The following SYT17 variants were observed in gnomAD, a reference collection of about 807,000 sequenced individuals.
SYT17 encodes the protein synaptotagmin 17, also known as synaptotagmin-17.
SYT17 carries 22 observed loss-of-function variants against 46.7 expected under a neutral mutation model. The ratio of observed to expected loss-of-function variants is 0.47; its 90% CI spans 0.34 to 0.67. The LOEUF (loss-of-function observed/expected upper bound fraction) is 0.67, where lower values mean the gene tolerates loss of function less well. SYT17 is among the 30% of genes least tolerant of loss of function. SYT17 has a pLI of 0.01. For missense variants in SYT17, 519 were observed against 612.8 expected (o/e 0.85, Z 1.62); for synonymous variants, 251 against 248.4 (o/e 1.01, Z -0.10).
chr16:19,208,691 T>C (rs1659965066), intron 5 of SYT17, among the ~76,000 whole-genome samples: 1 of 152,066 alleles, frequency 6.6e-6, no homozygotes, highest in Non-Finnish European at 1.5e-5. Context: ...CAGGCCTCTG[T>C]CACAGTGTCT....
intron 3 of SYT17, among the ~76,000 whole-genome samples, chr16:19,174,869 C>T (rs1441242101): frequency 6.6e-6 from 1 of 152,164 alleles, no homozygotes; most frequent in Non-Finnish European, 1.5e-5. Context: ...GTAATCCCAG[C>T]ATTTTGGGAG....
chr16:19,255,002 A>C (rs1320929833), intron 7 of SYT17, among the ~76,000 whole-genome samples: 3 of 152,154 alleles, frequency 2.0e-5, no homozygotes, highest in Non-Finnish European at 4.4e-5. Flanking sequence ...GGAGAAAGAG[A>C]TCTCATTCAT....
chr16:19,207,130 G>A (rs1375995754), intron 5 of SYT17, among the ~76,000 whole-genome samples: 1 of 152,046 alleles, frequency 6.6e-6, no homozygotes, highest in Non-Finnish European at 1.5e-5. Flanking sequence ...TGTGATCTTT[G>A]CACACGACAG....
In SYT17 at chr16:19,231,960, T is replaced by C. The variant is rs1298200222; in HGVS notation, c.1228+7122T>C. Among the ~76,000 whole-genome samples the C allele has an allele frequency of 2.6e-5, 4 of 152,056 alleles. No homozygotes were observed. In the East Asian group the frequency reaches 7.7e-4, roughly 29 times the overall value. ...GCACATTTCAGAGTGTCTGACCCAG[T>C]CTGTGGAGTGAGAGGAGCTGACACG... On this transcript the variant is annotated intron_variant, in intron 7 of 7. Coordinates refer to ENST00000355377, the MANE Select transcript of SYT17 (RefSeq NM_016524.4).
chr16:19,201,262 C>T (rs1034439403), intron 5 of SYT17, among the ~76,000 whole-genome samples: 3 of 152,104 alleles, frequency 2.0e-5, no homozygotes, highest in Admixed American at 1.3e-4. Flanking sequence ...CCCTTTGGGC[C>T]ACCAGGGACA....
In SYT17 at chr16:19,183,736, G is replaced by T. The variant is rs531896780; in HGVS notation, c.540G>T (p.Leu180=). The T allele has an allele frequency of 6.4e-5, 103 of 1,614,180 alleles. 1 individual carries two copies. The South Asian group carries it at 1.1e-3, about 17-fold the overall frequency. ...DVDSLTDEEI[L]SKYQLGMLHF... ...ACTCTCTGACAGACGAGGAGATCCT[G>T]TCCAAGTACCAGCTGGGCATGCTGC... The change falls in exon 5 of 8, where the codon CTG becomes CTT. Residue 180 remains leucine, a synonymous_variant. Transcript: ENST00000355377. The surrounding 1 kb of genome is among the most constrained non-coding windows in gnomAD (Gnocchi z 5.6).
At chr16:19,179,896 G>A (rs551510416) in intron 3 of SYT17, among the ~76,000 whole-genome samples, 1 of 152,304 alleles carries the variant, frequency 6.6e-6, no homozygotes, top group Admixed American at 6.5e-5. Flanking sequence ...GGCCATTTCT[G>A]CCGCGCAAAG....
At chr16:19,204,362 T>G in intron 5 of SYT17, among the ~76,000 whole-genome samples, 1 of 150,446 alleles carries the variant, frequency 6.6e-6, no homozygotes, top group African/African-American at 2.5e-5. Flanking sequence ...GATCCAGGAG[T>G]GATTTTGGAC....
chr16:19,207,732 G>T (rs1357873776), intron 5 of SYT17, among the ~76,000 whole-genome samples: 1 of 152,022 alleles, frequency 6.6e-6, no homozygotes, highest in African/African-American at 2.4e-5. Context: ...AGGGAACAAG[G>T]TGGCCACTCC....
chr16:19,237,766 A>G (rs148840937), intron 7 of SYT17, among the ~76,000 whole-genome samples: 134 of 152,296 alleles, frequency 8.8e-4, no homozygotes, highest in South Asian at 1.9e-3. Context: ...TTTCCCGGGC[A>G]AAGCCAGGAA....
chr16:19,198,354 C>A (rs1596935135), intron 5 of SYT17, among the ~76,000 whole-genome samples: 1 of 152,108 alleles, frequency 6.6e-6, no homozygotes, highest in African/African-American at 2.4e-5. Flanking sequence ...TACAGTGGTG[C>A]CATATCATGG....
chr16:19,177,971 G>A (rs1216930620), intron 3 of SYT17, among the ~76,000 whole-genome samples: 1 of 152,164 alleles, frequency 6.6e-6, no homozygotes, highest in South Asian at 2.1e-4. Context: ...CTTAGCTGGG[G>A]TTCTGCCTTT....
rs757270916 is a variant in SYT17 at position 19,201,282 on chromosome 16, C to T, written c.951+17135C>T. Reference sequence around the variant, plus strand: ...TGGGCCACCAGGGACACAGCCCCAACTCAGGCTTCCTTCATGGGGGACAGG... The same window carrying T: ...TGGGCCACCAGGGACACAGCCCCAATTCAGGCTTCCTTCATGGGGGACAGG... On this transcript the variant is annotated intron_variant, in intron 5 of 7. Coordinates refer to ENST00000355377, the MANE Select transcript of SYT17 (RefSeq NM_016524.4). Among the ~76,000 whole-genome samples the T allele has an allele frequency of 3.1e-4, 47 of 152,162 alleles. 1 individual carries two copies. Among genetic ancestry groups the T allele is most frequent in the Non-Finnish European group, 5.9e-5 (4 of 68,024 alleles).
intron 7 of SYT17, among the ~76,000 whole-genome samples, chr16:19,253,543 T>C (rs369242709): frequency 1.4e-4 from 22 of 152,008 alleles, no homozygotes; most frequent in Middle Eastern, 3.4e-3. Context: ...CCCACAGAGA[T>C]TGGAAACTCT....
chr16:19,215,024 G>A (rs1393315043), intron 5 of SYT17, among the ~76,000 whole-genome samples: 1 of 152,044 alleles, frequency 6.6e-6, no homozygotes, highest in African/African-American at 2.4e-5. Flanking sequence ...CCGACCTCAA[G>A]TGATCTGCCT....
chr16:19,214,808 GA>G (rs1966031813), intron 5 of SYT17, among the ~76,000 whole-genome samples: 1 of 140,270 alleles, frequency 7.1e-6, no homozygotes, highest in African/African-American at 2.7e-5. Flanking sequence ...TTTTTTTTTT[GA>G]GACAGAGTCT....
In SYT17 at chr16:19,267,883, G is replaced by C. The variant is rs1454527029; in HGVS notation, c.*807G>C. 6.6e-6 allele frequency: 1 copy of C among 152,494 alleles called. No individual in the cohort carries two copies. The highest frequency in any genetic ancestry group is 2.4e-5 in the African/African-American group (1 of 41,446). The allele number at this position is 152,494 out of a possible 1,614,324, so 9.4% of individuals were successfully genotyped here. Reference sequence around the variant, plus strand: ...CTTCTCTCTGCCTCTCCTGTCCAGTGAGAGTCCAACCAGTGTCCTCCTGTC... The same window carrying C: ...CTTCTCTCTGCCTCTCCTGTCCAGTCAGAGTCCAACCAGTGTCCTCCTGTC... On this transcript the variant is annotated 3_prime_UTR_variant, in exon 8 of 8. Coordinates refer to ENST00000355377, the MANE Select transcript of SYT17 (RefSeq NM_016524.4).
chr16:19,209,150 C>T (rs1043521001), intron 5 of SYT17, among the ~76,000 whole-genome samples: 13 of 151,582 alleles, frequency 8.6e-5, no homozygotes, highest in South Asian at 6.3e-4. Flanking sequence ...ATTACAGGCG[C>T]GAGCCACTGC....
intron 3 of SYT17, among the ~76,000 whole-genome samples, chr16:19,177,805 A>G (rs1411870614): frequency 6.6e-6 from 1 of 152,126 alleles, no homozygotes; most frequent in Admixed American, 6.5e-5. Context: ...TGCCAGAAAG[A>G]CCCTCATTGA....
Sources: allele counts gnomAD v4.1 joint callset (sites outside exome capture counted in the v4.1 genomes callset), GRCh38; gene constraint gnomAD v4.1.1; non-coding constraint Gnocchi (gnomAD v3.1); transcripts MANE v1.5; gene names NCBI Gene and HGNC (gene_info 2026-07-23, HGNC 2026-07-21).